GTF2IRD1: variants seen among roughly 807,000 people sequenced by gnomAD.
GTF2IRD1 encodes the protein general transcription factor II-I repeat domain-containing protein 1.
In GTF2IRD1, 26 loss-of-function variants were observed where a neutral mutation model predicts 113.2. The observed-to-expected ratio is 0.23, with a 90% confidence interval of 0.17 to 0.32. The LOEUF (loss-of-function observed/expected upper bound fraction) is 0.32, where lower values mean the gene tolerates loss of function less well. Among genes scored for constraint, GTF2IRD1 ranks in the 10% least tolerant of loss-of-function variants. GTF2IRD1 has a pLI of 1.00. For synonymous variants in GTF2IRD1, 484 were observed against 529.1 expected (o/e 0.91, Z 1.17); for missense variants, 864 against 1,280.8 (o/e 0.67, Z 4.97).
intron 1 of GTF2IRD1, 69 bp from the exon 2 acceptor site, chr7:74,508,006 T>G (rs1313890260): frequency 4.0e-6 from 6 of 1,512,664 alleles, no homozygotes; most frequent in African/African-American, 1.4e-5. Context: ...TGGATTGGGG[T>G]GGGCAGCCAC....
At chr7:74,469,944 T>A (rs1793981157) in intron 1 of GTF2IRD1, among the ~76,000 whole-genome samples, 1 of 152,084 alleles carries the variant, frequency 6.6e-6, no homozygotes, top group Admixed American at 6.6e-5. Flanking sequence ...AAGATAAAAA[T>A]TATCATATTC....
rs782131680 is a variant in GTF2IRD1 at position 74,518,136 on chromosome 7, C to A, written c.422-3C>A. 1.9e-6 allele frequency: 3 copies of A among 1,557,530 alleles called. No homozygotes were observed. The highest frequency in any genetic ancestry group is 2.6e-6 in the Non-Finnish European group (3 of 1,148,578). On this transcript the variant is annotated splice_polypyrimidine_tract_variant and splice_region_variant and intron_variant, in intron 4 of 26. Transcript: ENST00000424337. ...GGCCCCTCTCCTGGACTCTCCCCTA[C>A]AGGCGAGGCCCTGGGAAGGGCCAGT... is the stretch of plus-strand genomic sequence containing the variant.
chr7:74,484,057 G>GC (rs1794887065), intron 1 of GTF2IRD1, among the ~76,000 whole-genome samples: 1 of 152,188 alleles, frequency 6.6e-6, no homozygotes, highest in Non-Finnish European at 1.5e-5. Context: ...CCACTGAGCA[G>GC]CCCCCAGAGA....
At chr7:74,479,966 C>A (rs187690195) in intron 1 of GTF2IRD1, among the ~76,000 whole-genome samples, 107 of 152,032 alleles carry the variant, frequency 7.0e-4, no homozygotes, top group African/African-American at 2.6e-3. Context: ...AGGCTGGTCT[C>A]AAACTCCTGA....
At chr7:74,562,223 T>TCTG (rs1554359293) in intron 22 of GTF2IRD1, among the ~76,000 whole-genome samples, 1 of 152,054 alleles carries the variant, frequency 6.6e-6, no homozygotes, top group African/African-American at 2.4e-5. Context: ...GAAGCTGGGG[T>TCTG]CTGCTGGGGG....
In GTF2IRD1 at chr7:74,512,846, A is replaced by C. The variant is rs782623656; in HGVS notation, c.140A>C (p.Lys47Thr). ...ALDSMCSALS[K>T]LNAEVACVAV... ...TTCCCACAGTGCTCAGCGCTGTCCA[A>C]ACTGAACGCCGAGGTGGCCTGTGTC... The change falls in exon 3 of 27, where the codon AAA becomes ACA. Residue 47 changes from lysine (K) to threonine (T), a missense_variant. Lys to Thr is a moderately conservative substitution (Grantham distance 78, BLOSUM62 -1). This residue lies in a region of GTF2IRD1 where 182 missense variants were observed against 266.6 expected (regional missense o/e 0.68). Coordinates refer to ENST00000424337, the MANE Select transcript of GTF2IRD1 (RefSeq NM_005685.4). The surrounding 1 kb of genome is among the most constrained non-coding windows in gnomAD (Gnocchi z 4.4). 3 of 1,613,876 alleles carry C rather than the reference A, an allele frequency of 1.9e-6. No homozygotes were observed. The highest frequency in any genetic ancestry group is 1.7e-5 in the Admixed American group (1 of 60,002).
chr7:74,551,360 G>C (rs1265736603), intron 17 of GTF2IRD1, among the ~76,000 whole-genome samples: 1 of 151,764 alleles, frequency 6.6e-6, no homozygotes, highest in Non-Finnish European at 1.5e-5. Context: ...ATAAATATAG[G>C]GTTTATAAAT....
intron 1 of GTF2IRD1, among the ~76,000 whole-genome samples, chr7:74,496,485 ATG>A (rs201962320): frequency 0.23 from 21,667 of 92,446 alleles, 1,805 homozygotes; most frequent in Middle Eastern, 0.3. Flanking sequence ...GTGTGCACGT[ATG>A]TGTGTGTGTG....
chr7:74,493,932 T>C (rs1231053989), intron 1 of GTF2IRD1, among the ~76,000 whole-genome samples: 1 of 152,158 alleles, frequency 6.6e-6, no homozygotes, highest in Non-Finnish European at 1.5e-5. Flanking sequence ...TTACCCAGGC[T>C]GGTCTTGAAC....
At chr7:74,474,365 T>A (rs1554333122) in intron 1 of GTF2IRD1, among the ~76,000 whole-genome samples, 2 of 152,230 alleles carry the variant, frequency 1.3e-5, no homozygotes, top group African/African-American at 4.8e-5. Flanking sequence ...CCTCTGCCTC[T>A]AGCAGGGCAG....
chr7:74,456,765 C>T (rs1047378263), intron 1 of GTF2IRD1, among the ~76,000 whole-genome samples: 4 of 152,066 alleles, frequency 2.6e-5, no homozygotes, highest in Non-Finnish European at 5.9e-5. Context: ...TCTGCACACA[C>T]AGTTCCTCTT....
chr7:74,505,979 A>C (rs1796277683), intron 1 of GTF2IRD1: 1 of 152,234 alleles, frequency 6.6e-6, no homozygotes, highest in Admixed American at 6.5e-5. Context: ...CAGAAGAAGA[A>C]ATGTCTTTTA....
intron 22 of GTF2IRD1, among the ~76,000 whole-genome samples, chr7:74,574,662 T>A (rs1214760888): frequency 4.0e-5 from 6 of 150,658 alleles, no homozygotes; most frequent in Non-Finnish European, 5.9e-5. Context: ...GGTTTTGCCA[T>A]GTTTCCCAGG....
intron 1 of GTF2IRD1, among the ~76,000 whole-genome samples, chr7:74,474,685 A>G (rs1372853039): frequency 6.6e-6 from 1 of 152,130 alleles, no homozygotes; most frequent in African/African-American, 2.4e-5. Context: ...TTGTGTTTGT[A>G]GTGTTGCTGA....
chr7:74,485,939 G>GA (rs781887910), intron 1 of GTF2IRD1, among the ~76,000 whole-genome samples: 10 of 151,548 alleles, frequency 6.6e-5, no homozygotes, highest in Non-Finnish European at 1.3e-4. Context: ...AAAAAAAGAA[G>GA]AAGAAAGAAA....
At chr7:74,473,884 C>T (rs545723959) in intron 1 of GTF2IRD1, among the ~76,000 whole-genome samples, 6 of 152,146 alleles carry the variant, frequency 3.9e-5, no homozygotes, top group African/African-American at 1.4e-4. Context: ...GTCAGGAGTT[C>T]GAGACCAGCC....
chr7:74,574,154 T>C (rs1800862042), intron 22 of GTF2IRD1, among the ~76,000 whole-genome samples: 1 of 144,552 alleles, frequency 6.9e-6, no homozygotes, highest in Admixed American at 6.9e-5. Context: ...AAGCTAATTT[T>C]TTTTTTTTTT....
chr7:74,598,849 C>G (rs1802576979), intron 25 of GTF2IRD1, among the ~76,000 whole-genome samples: 1 of 152,184 alleles, frequency 6.6e-6, no homozygotes, highest in African/African-American at 2.4e-5. Context: ...AAAAATCCCT[C>G]TGACTCATAG....
intron 1 of GTF2IRD1, among the ~76,000 whole-genome samples, chr7:74,462,860 C>T (rs1793470752): frequency 6.6e-6 from 1 of 152,282 alleles, no homozygotes; most frequent in Non-Finnish European, 1.5e-5. Flanking sequence ...CCCTCCGGGC[C>T]TCTGGCCCCA....
Sources: gnomAD v4.1 joint callset for allele counts (sites outside exome capture counted in the v4.1 genomes callset) on GRCh38, gnomAD v4.1.1 for gene constraint, gnomAD v4.1.1 regional missense constraint, Gnocchi (gnomAD v3.1) non-coding constraint, MANE v1.5 for transcripts, NCBI Gene and HGNC (gene_info 2026-07-23, HGNC 2026-07-21) for gene names.